KCNH7: variants seen among roughly 807,000 people sequenced by gnomAD.
The protein encoded by KCNH7 is potassium voltage-gated channel subfamily H member 7.
A neutral mutation model predicts 120.8 loss-of-function variants in KCNH7; 49 were observed. The ratio of observed to expected loss-of-function variants is 0.41; its 90% CI spans 0.32 to 0.51. KCNH7 has a LOEUF of 0.51. Ranked by LOEUF, KCNH7 falls within the 20% of genes least tolerant of loss-of-function variation. KCNH7 has a pLI of 0.38. For synonymous variants in KCNH7, 547 were observed against 516.1 expected (o/e 1.06, Z -0.81); for missense variants, 1,097 against 1,446.6 (o/e 0.76, Z 3.92).
rs534567570 is a variant in KCNH7, at chr2:162,785,402, T to A, written c.307+51135A>T. Among the ~76,000 whole-genome samples, 4 of 152,346 alleles carry A rather than the reference T, an allele frequency of 2.6e-5. No homozygotes were observed. In the South Asian group the frequency reaches 8.3e-4, roughly 32 times the overall value. On this transcript the variant is annotated intron_variant, in intron 2 of 15. Coordinates refer to ENST00000332142, the MANE Select transcript of KCNH7 (RefSeq NM_033272.4). ...AGCTCTTACTTTTCTATTTGTTTCT[T>A]TCTATTCTATCATTATAGTTCTTGC...
chr2:162,822,718 G>A (rs935099986), intron 2 of KCNH7, among the ~76,000 whole-genome samples: 3 of 152,190 alleles, frequency 2.0e-5, no homozygotes, highest in Non-Finnish European at 4.4e-5. Context: ...GTGGGAAACA[G>A]AGGTGAATTT....
intron 2 of KCNH7, among the ~76,000 whole-genome samples, chr2:162,549,931 A>T (rs1239141322): frequency 4.6e-5 from 7 of 152,188 alleles, no homozygotes; most frequent in Non-Finnish European, 1.0e-4. Context: ...GAAGAGACTG[A>T]ATTTGTTTCA....
At chr2:162,823,386 C>T (rs1685179881) in intron 2 of KCNH7, among the ~76,000 whole-genome samples, 1 of 152,004 alleles carries the variant, frequency 6.6e-6, no homozygotes, top group African/African-American at 2.4e-5. Flanking sequence ...ATAATTTAGC[C>T]CAATCCTTGA....
rs1021892888 is a variant in KCNH7, at chr2:162,540,092, GA to G, written c.308-3013del. On this transcript the variant is annotated intron_variant, in intron 2 of 15. Transcript: ENST00000332142. ...CAGCAAACACTAACCAAGCAATGAA[GA>G]AAAAAAAATAGACATCTAATAATGT... Among the ~76,000 whole-genome samples the G allele has an allele frequency of 5.4e-3, 796 of 147,118 alleles. 5 individuals are homozygous for G. Among genetic ancestry groups the G allele is most frequent in the African/African-American group, 0.017 (671 of 40,078 alleles).
intron 3 of KCNH7, among the ~76,000 whole-genome samples, chr2:162,536,088 G>A (rs891374403): frequency 2.6e-5 from 4 of 151,782 alleles, no homozygotes; most frequent in Admixed American, 6.6e-5. Flanking sequence ...TTAGAACCTT[G>A]GAGTGGTGAA....
At chr2:162,426,006 C>T (rs1007420625) in intron 8 of KCNH7, among the ~76,000 whole-genome samples, 2 of 151,902 alleles carry the variant, frequency 1.3e-5, no homozygotes, top group Admixed American at 1.3e-4. Context: ...CTGAGCTCAG[C>T]GGTTCGAGAC....
At chr2:162,673,187 T>C (rs1271986836) in intron 2 of KCNH7, among the ~76,000 whole-genome samples, 1 of 151,968 alleles carries the variant, frequency 6.6e-6, no homozygotes, top group Admixed American at 6.6e-5. Context: ...TTTTCTAGAC[T>C]ACAATTGTAC....
intron 2 of KCNH7, among the ~76,000 whole-genome samples, chr2:162,788,195 T>C (rs114871917): frequency 0.011 from 1,748 of 152,264 alleles, 38 homozygotes; most frequent in African/African-American, 0.039. Flanking sequence ...CAGTCTCTGA[T>C]TTATGATGGT....
intron 2 of KCNH7, among the ~76,000 whole-genome samples, chr2:162,641,684 A>G (rs1272593567): frequency 6.6e-6 from 1 of 152,120 alleles, no homozygotes; most frequent in Non-Finnish European, 1.5e-5. Flanking sequence ...TTATACAGGC[A>G]AACTAGTTGT....
chr2:162,629,248 T>G (rs16847029), intron 2 of KCNH7, among the ~76,000 whole-genome samples: 6,731 of 152,104 alleles, frequency 0.044, 284 homozygotes, highest in East Asian at 0.12. Flanking sequence ...CAGACTATGA[T>G]TGAGGCATTT....
intron 2 of KCNH7, among the ~76,000 whole-genome samples, chr2:162,809,764 A>T (rs1684669709): frequency 6.6e-6 from 1 of 152,152 alleles, no homozygotes; most frequent in Non-Finnish European, 1.5e-5. Flanking sequence ...GATAATTTTC[A>T]AATTTTCCGT....
chr2:162,757,178 T>C (rs1185584842), intron 2 of KCNH7, among the ~76,000 whole-genome samples: 1 of 152,190 alleles, frequency 6.6e-6, no homozygotes, highest in Non-Finnish European at 1.5e-5. Context: ...AAATGTGGAA[T>C]AAAGTACTGA....
At chr2:162,550,886 G>GATA (rs34251777) in intron 2 of KCNH7, among the ~76,000 whole-genome samples, 28,143 of 147,694 alleles carry the variant, frequency 0.19, 3,058 homozygotes, top group Admixed American at 0.32. Context: ...AACTAGGCTA[G>GATA]ATAATAATAA....
intron 2 of KCNH7, among the ~76,000 whole-genome samples, chr2:162,586,489 C>A (rs1694026213): frequency 6.6e-6 from 1 of 151,974 alleles, no homozygotes; most frequent in African/African-American, 2.4e-5. Flanking sequence ...ATGACTGCAA[C>A]CCTGGGAGTG....
At chr2:162,580,024 T>C (rs1366500440) in intron 2 of KCNH7, among the ~76,000 whole-genome samples, 1 of 152,012 alleles carries the variant, frequency 6.6e-6, no homozygotes, top group Non-Finnish European at 1.5e-5. Context: ...TCTACCTTCA[T>C]TCAAAATGGG....
chr2:162,514,874 G>C lies in KCNH7; in HGVS notation c.893-2200C>G, dbSNP rs908308693. Among the ~76,000 whole-genome samples, 18 of 151,806 alleles carry C rather than the reference G, an allele frequency of 1.2e-4. 1 individual carries two copies. The highest frequency in any genetic ancestry group is 3.9e-4 in the African/African-American group (16 of 41,510). On this transcript the variant is annotated intron_variant, in intron 4 of 15. Transcript: ENST00000332142. ...ATATCTGCAAAATATTTAAAGTTCT[G>C]TGAAGATAGCCTGTACAGGAGAACA... is the stretch of plus-strand genomic sequence containing the variant.
At chr2:162,377,260 C>T (rs564539658) in intron 14 of KCNH7, among the ~76,000 whole-genome samples, 4 of 142,398 alleles carry the variant, frequency 2.8e-5, no homozygotes, top group Non-Finnish European at 6.1e-5. Flanking sequence ...AAATCCCAAA[C>T]GAGCAAAAAA....
At chr2:162,492,902 T>A (rs1690367524) in intron 6 of KCNH7, among the ~76,000 whole-genome samples, 1 of 97,304 alleles carries the variant, frequency 1.0e-5, no homozygotes, top group Non-Finnish European at 2.3e-5. Flanking sequence ...TGGAAAAGGT[T>A]TTTTTCTCAG....
chr2:162,688,943 A>T (rs2105325094), intron 2 of KCNH7, among the ~76,000 whole-genome samples: 1 of 151,936 alleles, frequency 6.6e-6, no homozygotes, highest in South Asian at 2.1e-4. Flanking sequence ...TTTGAGCCTC[A>T]ATTTTCTTAT....
Sources: allele counts gnomAD v4.1 joint callset (sites outside exome capture counted in the v4.1 genomes callset), GRCh38; gene constraint gnomAD v4.1.1; transcripts MANE v1.5; gene names NCBI Gene and HGNC (gene_info 2026-07-23, HGNC 2026-07-21).